Variants in BLNK observed in about 807,000 individuals in gnomAD.
The protein encoded by BLNK is B cell linker, also known as B-cell linker protein.
In BLNK, 29 loss-of-function variants were observed where a neutral mutation model predicts 73.5. That is an observed-to-expected ratio of 0.39 (90% confidence interval 0.29 to 0.54). The LOEUF is 0.54. Ranked by LOEUF, BLNK falls within the 20% of genes least tolerant of loss-of-function variation. BLNK has a pLI of 0.61. For missense variants in BLNK, 460 were observed against 562.8 expected, an observed-to-expected ratio of 0.82 and a Z score of 1.85; for synonymous variants, 176 against 200.8, an observed-to-expected ratio of 0.88 and a Z score of 1.04.
chr10:96,209,936 C>A, intron 8 of BLNK, 29 bp from the exon 9 acceptor site: 1 of 1,613,690 alleles, frequency 6.2e-7, no homozygotes, highest in South Asian at 1.1e-5. Context: ...TACTCAGTCC[C>A]CAAGTCCTGA....
chr10:96,212,136 A>G (rs904310622), intron 8 of BLNK, among the ~76,000 whole-genome samples: 1 of 152,130 alleles, frequency 6.6e-6, no homozygotes, highest in Non-Finnish European at 1.5e-5. Flanking sequence ...TCTGACAATC[A>G]GAGGACAGCA....
chr10:96,197,192 T>C, intron 15 of BLNK, 129 bp from the exon 16 acceptor site: 2 of 673,494 alleles, frequency 3.0e-6, no homozygotes, highest in East Asian at 5.7e-5. Flanking sequence ...ACATTATTTT[T>C]ATTATTGATT....
At chr10:96,267,770 A>T (rs12250473) in intron 1 of BLNK, among the ~76,000 whole-genome samples, 32,768 of 152,178 alleles carry the variant, frequency 0.22, 6,602 homozygotes, top group East Asian at 0.55. Context: ...AAAGAAGAAA[A>T]GGAACCAACA....
At chr10:96,237,474 G>A (rs2134065039) in intron 3 of BLNK, among the ~76,000 whole-genome samples, 1 of 152,290 alleles carries the variant, frequency 6.6e-6, no homozygotes, top group South Asian at 2.1e-4. Flanking sequence ...CACCCCATCA[G>A]AGCCCTGGAC....
chr10:96,215,283 T>C, intron 8 of BLNK, 38 bp downstream of exon 8: 1 of 1,574,420 alleles, frequency 6.4e-7, no homozygotes. Context: ...TTATTTGAAA[T>C]AGACGTAAAA....
At position 96,257,902 on chromosome 10, in the gene BLNK, C is replaced by G. The variant is rs150434590; in HGVS notation, c.48-10853G>C. On this transcript the variant is annotated intron_variant, in intron 1 of 16. Transcript: ENST00000224337. ...AGCCAGGGGACAGATATAGGCAGACCGGAGAATTCTCTGATTCACACAAAA... is the reference window on the plus strand; with the variant it reads ...AGCCAGGGGACAGATATAGGCAGACGGGAGAATTCTCTGATTCACACAAAA... Among the ~76,000 whole-genome samples the G allele has an allele frequency of 1.2e-4, 18 of 152,294 alleles. No individual in the cohort carries two copies. The East Asian group carries it at 3.3e-3, about 28-fold the overall frequency.
intron 10 of BLNK, among the ~76,000 whole-genome samples, chr10:96,207,669 T>C (rs1163100262): frequency 6.6e-6 from 1 of 152,214 alleles, no homozygotes; most frequent in Non-Finnish European, 1.5e-5. Context: ...CAAGTGAGGA[T>C]GAGCTCCTTC....
At chr10:96,246,466 C>T (rs1843048722) in intron 2 of BLNK, among the ~76,000 whole-genome samples, 2 of 152,208 alleles carry the variant, frequency 1.3e-5, no homozygotes, top group African/African-American at 2.4e-5. Flanking sequence ...GCAGGAGAAT[C>T]GCTTGAACCC....
chr10:96,243,019 G>T (rs190400623), intron 2 of BLNK, among the ~76,000 whole-genome samples: 9 of 152,300 alleles, frequency 5.9e-5, no homozygotes, highest in Non-Finnish European at 8.8e-5. Flanking sequence ...ACTTGGCAAA[G>T]GTGAAGTCAG....
At position 96,189,955 on chromosome 10, in the gene BLNK, A is replaced by C. The variant is rs868967975; in HGVS notation, c.*2018T>G. ...CTGGTGGTGTTATTTCAAAGACCCC[A>C]AGGGAAACTGTTGGCTGTACAGACA... On this transcript the variant is annotated 3_prime_UTR_variant, in exon 17 of 17. Transcript: ENST00000224337. 31 of 911,762 alleles carry C rather than the reference A, an allele frequency of 3.4e-5. No homozygotes were observed. The highest frequency in any genetic ancestry group is 2.3e-4 in the South Asian group (18 of 77,530). 56.5% of individuals were successfully genotyped at this position (911,762 alleles called of 1,614,324 possible).
Position 96,200,836 on chromosome 10 carries a change from C to T in BLNK, c.1011+146G>A. On this transcript the variant is annotated intron_variant, in intron 14 of 16. Coordinates refer to ENST00000224337, the MANE Select transcript of BLNK (RefSeq NM_013314.4). This position sits in a 1 kb window ranked among gnomAD's most constrained non-coding sequence, Gnocchi z 4.3. Reference sequence around the variant, plus strand: ...AAAAACAACAACTGGGTATTCTGTCCCTATTACCAAATGACAGTTCACATA... The same window carrying T: ...AAAAACAACAACTGGGTATTCTGTCTCTATTACCAAATGACAGTTCACATA... 5.0e-6 allele frequency: 4 copies of T among 794,294 alleles called. No homozygotes were observed. The South Asian group carries it at 5.9e-5, about 12-fold the overall frequency. 49.2% of individuals were successfully genotyped at this position (794,294 alleles called of 1,614,324 possible). A position where few individuals can be genotyped will look rare whatever the true frequency, so the allele number is the denominator to read the frequency against.
chr10:96,204,462 G>A, intron 12 of BLNK, 70 bp downstream of exon 12: 7 of 1,486,944 alleles, frequency 4.7e-6, no homozygotes, highest in Non-Finnish European at 6.6e-6. Flanking sequence ...TCACTGTGCA[G>A]TGAAACAATG....
rs537853929 is a variant in BLNK, at chr10:96,254,328, G to A, written c.48-7279C>T. Among the ~76,000 whole-genome samples, 25 of 152,272 alleles carry A rather than the reference G, an allele frequency of 1.6e-4. No homozygotes were observed. The South Asian group carries it at 4.1e-3, about 25-fold the overall frequency. On this transcript the variant is annotated intron_variant, in intron 1 of 16. Coordinates refer to ENST00000224337, the MANE Select transcript of BLNK (RefSeq NM_013314.4). ...CAAGGGGAAGACAGCAGAAGGAATC[G>A]GCTGTGGTTGCCAATGGCCAGGCAT...
chr10:96,201,158 T>A, intron 13 of BLNK, 100 bp from the exon 14 acceptor site: 20 of 1,075,126 alleles, frequency 1.9e-5, no homozygotes, highest in Middle Eastern at 2.1e-4. Flanking sequence ...CAGGGACACA[T>A]CCACCAAAAA....
rs587723641 is a variant in BLNK at position 96,216,721 on chromosome 10, A to T, written c.539T>A (p.Val180Asp). ...GLLEDEADYV[V>D]PVEDNDENYI... is the part of the protein sequence containing the mutation. Reference sequence around the variant, plus strand: ...GTTTTCATCATTATCTTCCACGGGGACCACATAATCAGCCTAACAGAAATA... The same window carrying T: ...GTTTTCATCATTATCTTCCACGGGGTCCACATAATCAGCCTAACAGAAATA... The change falls in exon 7 of 17, where the codon GTC (valine) becomes GAC (aspartate). Residue 180 changes from valine (V) to aspartate (D), a missense_variant. Around this residue, in one of 3 missense-constraint regions of BLNK, gnomAD observed 233 missense variants for 232.1 expected, o/e 1.00. Transcript: ENST00000224337. 1 of 1,613,990 alleles carries T rather than the reference A, an allele frequency of 6.2e-7. No homozygotes were observed. Among genetic ancestry groups the T allele is most frequent in the African/African-American group, 1.3e-5 (1 of 75,028 alleles).
At chr10:96,206,031 A>G (rs1367878348) in intron 11 of BLNK, among the ~76,000 whole-genome samples, 2 of 152,240 alleles carry the variant, frequency 1.3e-5, no homozygotes, top group Admixed American at 1.3e-4. Flanking sequence ...AAAGCAATAC[A>G]GCAGAAAAGG....
At chr10:96,265,863 G>A (rs1554914166) in intron 1 of BLNK, among the ~76,000 whole-genome samples, 1 of 152,170 alleles carries the variant, frequency 6.6e-6, no homozygotes, top group Non-Finnish European at 1.5e-5. Context: ...TACAATGTAG[G>A]ATGTTTAGCA....
chr10:96,250,253 C>T (rs1476626993), intron 1 of BLNK, among the ~76,000 whole-genome samples: 1 of 152,160 alleles, frequency 6.6e-6, no homozygotes, highest in Non-Finnish European at 1.5e-5. Context: ...TGCCTCAGAA[C>T]TCTACAGTTT....
intron 8 of BLNK, among the ~76,000 whole-genome samples, chr10:96,210,870 T>G (rs78769352): frequency 6.3e-4 from 92 of 145,752 alleles, no homozygotes; most frequent in East Asian, 7.8e-4. Context: ...TCCGTTTTTT[T>G]TTTTTTTTTT....
Sources: gnomAD v4.1 joint callset for allele counts (sites outside exome capture counted in the v4.1 genomes callset) on GRCh38, gnomAD v4.1.1 for gene constraint, gnomAD v4.1.1 regional missense constraint, Gnocchi (gnomAD v3.1) non-coding constraint, MANE v1.5 for transcripts, NCBI Gene and HGNC (gene_info 2026-07-23, HGNC 2026-07-21) for gene names.